Variants in CNTNAP2 observed in about 807,000 individuals in gnomAD.
The protein encoded by CNTNAP2 is contactin associated protein 2.
A neutral mutation model predicts 155.2 loss-of-function variants in CNTNAP2; 98 were observed. The ratio of observed to expected loss-of-function variants is 0.63; its 90% CI spans 0.54 to 0.75. The LOEUF (loss-of-function observed/expected upper bound fraction) is 0.75. CNTNAP2 is among the 30% of genes least tolerant of loss of function. CNTNAP2 has a pLI of 0.00. For synonymous variants in CNTNAP2, 651 were observed against 631.2 expected, an observed-to-expected ratio of 1.03 and a Z score of -0.47; for missense variants, 1,727 against 1,688.1, an observed-to-expected ratio of 1.02 and a Z score of -0.40.
At chr7:147,394,993 A>C (rs568841536) in intron 9 of CNTNAP2, among the ~76,000 whole-genome samples, 2 of 151,546 alleles carry the variant, frequency 1.3e-5, no homozygotes, top group South Asian at 4.2e-4. Context: ...TGTATATTCA[A>C]AGTAGGGTGG....
At chr7:146,978,719 T>G (rs946443215) in intron 3 of CNTNAP2, among the ~76,000 whole-genome samples, 1 of 151,196 alleles carries the variant, frequency 6.6e-6, no homozygotes, top group Non-Finnish European at 1.5e-5. Flanking sequence ...ATAATATATA[T>G]ATTTAACTCT....
chr7:146,183,861 C>G (rs986708361), intron 1 of CNTNAP2, among the ~76,000 whole-genome samples: 2 of 152,098 alleles, frequency 1.3e-5, no homozygotes, highest in Non-Finnish European at 2.9e-5. Context: ...GTTACCTTTA[C>G]CTGACCATTA....
intron 2 of CNTNAP2, among the ~76,000 whole-genome samples, chr7:146,812,445 A>ATATATATATATATATATATAAAATAT (rs1386547927): frequency 2.8e-5 from 4 of 144,556 alleles, no homozygotes; most frequent in African/African-American, 1.0e-4. Flanking sequence ...ATATATAAAA[A>ATATATATATATATATATATAAAATAT]ATATATATAT....
At chr7:146,724,738 T>G (rs1801401216) in intron 1 of CNTNAP2, among the ~76,000 whole-genome samples, 1 of 151,754 alleles carries the variant, frequency 6.6e-6, no homozygotes, top group Admixed American at 6.6e-5. Flanking sequence ...GCCCAGCTAA[T>G]TTTTGTATTT....
chr7:146,436,473 CTA>C (rs1238896456), intron 1 of CNTNAP2, among the ~76,000 whole-genome samples: 1 of 152,046 alleles, frequency 6.6e-6, no homozygotes, highest in East Asian at 1.9e-4. Flanking sequence ...TAAAACAAAA[CTA>C]TTTCAGTTTT....
chr7:147,239,681 G>A (rs76831838), intron 8 of CNTNAP2, among the ~76,000 whole-genome samples: 1,778 of 152,154 alleles, frequency 0.012, 17 homozygotes, highest in Non-Finnish European at 0.017. Context: ...ATATTTAAGG[G>A]TTTCATTGCC....
chr7:147,680,810 G>A (rs1795937263), intron 13 of CNTNAP2, among the ~76,000 whole-genome samples: 1 of 151,346 alleles, frequency 6.6e-6, no homozygotes, highest in East Asian at 1.9e-4. Context: ...ATAATAAATA[G>A]TATGTATAAT....
chr7:146,643,684 C>T (rs1049442612), intron 1 of CNTNAP2, among the ~76,000 whole-genome samples: 3 of 151,892 alleles, frequency 2.0e-5, no homozygotes, highest in African/African-American at 7.3e-5. Flanking sequence ...ATAGTTTTTT[C>T]CAATTCTGTG....
At chr7:146,311,299 C>G (rs1407520483) in intron 1 of CNTNAP2, among the ~76,000 whole-genome samples, 3 of 152,060 alleles carry the variant, frequency 2.0e-5, no homozygotes, top group Non-Finnish European at 4.4e-5. Flanking sequence ...AGTCTGAGTA[C>G]TCAAGTTTGG....
chr7:147,527,318 C>T (rs986343657), intron 11 of CNTNAP2, among the ~76,000 whole-genome samples: 9 of 151,886 alleles, frequency 5.9e-5, no homozygotes, highest in Admixed American at 1.3e-4. Context: ...CAACTGTGCC[C>T]GGCCAAGACA....
At chr7:147,410,468 A>G (rs1317215755) in intron 10 of CNTNAP2, among the ~76,000 whole-genome samples, 3 of 152,214 alleles carry the variant, frequency 2.0e-5, no homozygotes, top group Non-Finnish European at 2.9e-5. Context: ...TGATGAAATA[A>G]TCTGTACAAC....
chr7:146,548,302 C>T (rs989787796), intron 1 of CNTNAP2, among the ~76,000 whole-genome samples: 17 of 151,922 alleles, frequency 1.1e-4, no homozygotes, highest in Non-Finnish European at 2.4e-4. Flanking sequence ...TGATTTTGTT[C>T]TTTTTTATGG....
At chr7:146,613,261 C>G (rs1276649418) in intron 1 of CNTNAP2, among the ~76,000 whole-genome samples, 1 of 152,148 alleles carries the variant, frequency 6.6e-6, no homozygotes, top group African/African-American at 2.4e-5. Flanking sequence ...TGTGGCCACA[C>G]AAAGGCTCTG....
chr7:147,130,520 A>T (rs1374991923), intron 7 of CNTNAP2, among the ~76,000 whole-genome samples: 1 of 152,176 alleles, frequency 6.6e-6, no homozygotes, highest in African/African-American at 2.4e-5. Flanking sequence ...CTCTATAATT[A>T]CATTTTATTT....
chr7:147,472,878 T>C (rs1286773050), intron 10 of CNTNAP2, among the ~76,000 whole-genome samples: 1 of 152,206 alleles, frequency 6.6e-6, no homozygotes, highest in African/African-American at 2.4e-5. Flanking sequence ...ATGCCTCTGA[T>C]ACCTCTAAGT....
intron 10 of CNTNAP2, among the ~76,000 whole-genome samples, chr7:147,471,111 G>A (rs1387287802): frequency 1.3e-5 from 2 of 152,154 alleles, no homozygotes; most frequent in Non-Finnish European, 2.9e-5. Context: ...ACTAGGAGTA[G>A]AGGAGTGGAG....
chr7:147,456,773 G>A (rs114242207), intron 10 of CNTNAP2, among the ~76,000 whole-genome samples: 1,931 of 152,286 alleles, frequency 0.013, 42 homozygotes, highest in African/African-American at 0.044. Flanking sequence ...AAGCAGCAGT[G>A]TTAATGGAAT....
At chr7:146,899,339 C>A (rs1386095902) in intron 3 of CNTNAP2, among the ~76,000 whole-genome samples, 3 of 152,142 alleles carry the variant, frequency 2.0e-5, no homozygotes, top group Non-Finnish European at 4.4e-5. Flanking sequence ...TCTTCGGGGT[C>A]CTGAAACCAG....
intron 9 of CNTNAP2, among the ~76,000 whole-genome samples, chr7:147,354,595 C>T (rs1391487465): frequency 6.6e-6 from 1 of 152,000 alleles, no homozygotes; most frequent in Admixed American, 6.6e-5. Context: ...GCTCTTTTTG[C>T]TTAGAATTGT....
Sources: gnomAD v4.1 joint callset for allele counts (sites outside exome capture counted in the v4.1 genomes callset) on GRCh38, gnomAD v4.1.1 for gene constraint, MANE v1.5 for transcripts, NCBI Gene and HGNC (gene_info 2026-07-23, HGNC 2026-07-21) for gene names.